FN1: variants seen among roughly 807,000 people sequenced by gnomAD.
The protein encoded by FN1 is fibronectin.
A neutral mutation model predicts 297.3 loss-of-function variants in FN1; 106 were observed. The ratio of observed to expected loss-of-function variants is 0.36; its 90% CI spans 0.30 to 0.42. FN1 has a LOEUF of 0.42. Ranked by LOEUF, FN1 falls within the 10% of genes least tolerant of loss-of-function variation. The pLI, the probability that FN1 is intolerant of heterozygous loss-of-function variation, is 1.00. For missense variants in FN1, 2,690 were observed against 3,124.9 expected (o/e 0.86, Z 3.32); for synonymous variants, 1,149 against 1,152.6 (o/e 1.00, Z 0.06).
chr2:215,422,166 C>T lies in FN1; in HGVS notation c.1471G>A (p.Gly491Ser), dbSNP rs1271295166. 6.2e-7 allele frequency: 1 copy of T among 1,613,970 alleles called. No homozygotes were observed. The highest frequency in any genetic ancestry group is 1.7e-5 in the Admixed American group (1 of 60,010). ...GDQWDKQHDM[G>S]HMMRCTCVGN... ...ACACACGTGCACCTCATCATGTGACCCATGTCATGCTGCTTATCCCACTGA... is the reference window on the plus strand; with the variant it reads ...ACACACGTGCACCTCATCATGTGACTCATGTCATGCTGCTTATCCCACTGA... Residue 491 changes from glycine to serine, a missense_variant, in exon 10 of 46, where the codon GGT (glycine) becomes AGT (serine). Transcript: ENST00000354785.
At chr2:215,370,537 AGACAAAAAAC>A in intron 40 of FN1, 105 bp from the exon 41 acceptor site, 14 of 653,124 alleles carry the variant, frequency 2.1e-5, no homozygotes, top group South Asian at 1.7e-4. Flanking sequence ...AAGCAAAGGA[AGACAAAAAAC>A]AAAAAACAAA....
chr2:215,422,827 G>A (rs963072779), intron 9 of FN1, among the ~76,000 whole-genome samples: 4 of 152,092 alleles, frequency 2.6e-5, no homozygotes, highest in East Asian at 1.9e-4. Context: ...CCATTTGTTC[G>A]CCATCTATAC....
intron 10 of FN1, 78 bp downstream of exon 10, chr2:215,422,013 T>C: frequency 7.4e-7 from 1 of 1,350,030 alleles, no homozygotes; most frequent in Non-Finnish European, 1.1e-6. Flanking sequence ...TTTGGCATAG[T>C]GCAAGTTTTC....
intron 38 of FN1, among the ~76,000 whole-genome samples, chr2:215,374,913 T>G (rs543025427): frequency 6.6e-6 from 1 of 152,184 alleles, no homozygotes; most frequent in Non-Finnish European, 1.5e-5. Flanking sequence ...TCAGCTAGTA[T>G]GCTTTGAAAA....
At chr2:215,370,256 G>C in intron 41 of FN1, 38 bp downstream of exon 41, 7 of 1,610,300 alleles carry the variant, frequency 4.3e-6, no homozygotes, top group Non-Finnish European at 5.9e-6. Context: ...GTGTACAGCA[G>C]AGGGGAGCCT....
intron 35 of FN1, among the ~76,000 whole-genome samples, chr2:215,377,755 AAAC>A (rs2057564761): frequency 6.6e-6 from 1 of 152,212 alleles, no homozygotes. Flanking sequence ...AGCTCTATGA[AAAC>A]AAATTCTAAC....
In FN1 at chr2:215,425,215, A is replaced by G. The variant is rs1575802062; in HGVS notation, c.915T>C (p.Tyr305=). ...QPQPHPQPPP[Y]GHCVTDSGVV... The stretch of plus-strand genomic sequence containing the variant: ...CACCACTGTCTGTGACACAGTGGCC[A>G]TAGGGAGGAGGCTGGGGGTGAGGCT... The change falls in exon 7 of 46, where the codon TAT becomes TAC. Residue 305 remains tyrosine, a synonymous_variant. Transcript: ENST00000354785. 1.2e-6 allele frequency: 2 copies of G among 1,614,158 alleles called. No individual in the cohort carries two copies. The highest frequency in any genetic ancestry group is 1.7e-6 in the Non-Finnish European group (2 of 1,180,014).
At chr2:215,395,605 A>G (rs2060220499) in intron 23 of FN1, among the ~76,000 whole-genome samples, 1 of 152,110 alleles carries the variant, frequency 6.6e-6, no homozygotes. Context: ...GGAATCACAG[A>G]AATTGGGCAG....
At position 215,409,727 on chromosome 2, in the gene FN1, G is replaced by A. The variant is rs776191277; in HGVS notation, c.2135C>T (p.Thr712Ile). ...TSTPVTSNTV[T>I]GETTPFSPLV... ...AGGAGAAAAGGGAGTCGTCTCTCCT[G>A]TCACGGTGTTGCCTAGAGAGTCACA... is the stretch of plus-strand genomic sequence containing the variant. The change falls in exon 15 of 46, where the codon ACA (threonine) becomes ATA (isoleucine). Residue 712 changes from threonine (T) to isoleucine (I), a missense_variant. Coordinates refer to ENST00000354785, the MANE Select transcript of FN1 (RefSeq NM_212482.4). The A allele has an allele frequency of 1.3e-5, 21 of 1,613,990 alleles. No individual in the cohort carries two copies. The highest frequency in any genetic ancestry group is 1.6e-5 in the Non-Finnish European group (19 of 1,179,988).
At position 215,379,198 on chromosome 2, in the gene FN1, TCTC is replaced by T. The variant is rs769683520; in HGVS notation, c.5551_5553del (p.Glu1851del). On this transcript the variant is annotated inframe_deletion, in exon 34 of 46. Transcript: ENST00000354785. ...TTGATTTCTTTCATTGGTCCGGTCT[TCTC>T]CTTGGGGGTCACCCGCACTCGATAT... 12 of 1,614,048 alleles carry T rather than the reference TCTC, an allele frequency of 7.4e-6. No individual in the cohort carries two copies. Among genetic ancestry groups the T allele is most frequent in the Non-Finnish European group, 9.3e-6 (11 of 1,179,994 alleles).
intron 39 of FN1, among the ~76,000 whole-genome samples, chr2:215,372,767 A>C (rs534551980): frequency 1.3e-5 from 2 of 152,336 alleles, no homozygotes; most frequent in East Asian, 3.9e-4. Flanking sequence ...TATCAGTGTC[A>C]TAAGTATGAG....
chr2:215,419,449 G>C, intron 11 of FN1, 64 bp from the exon 12 acceptor site: 1 of 1,344,614 alleles, frequency 7.4e-7, no homozygotes, highest in Non-Finnish European at 1.1e-6. Context: ...TTTAATTTCA[G>C]GGTGCTAGAG....
At position 215,419,275 on chromosome 2, in the gene FN1, C is replaced by T; in HGVS notation, c.1786G>A (p.Glu596Lys). 1 of 1,613,890 alleles carries T rather than the reference C, an allele frequency of 6.2e-7. No individual in the cohort carries two copies. The highest frequency in any genetic ancestry group is 8.5e-7 in the Non-Finnish European group (1 of 1,179,776). The change falls in exon 12 of 46, where the codon GAG becomes AAG. Residue 596 changes from glutamate (E) to lysine (K), a missense_variant. Physicochemically the swap from Glu to Lys is moderately conservative, Grantham distance 56. Around this residue, in one of 3 missense-constraint regions of FN1, gnomAD observed 876 missense variants for 1,058.1 expected, o/e 0.83. Coordinates refer to ENST00000354785, the MANE Select transcript of FN1 (RefSeq NM_212482.4). ...QCYCYGRGIG[E>K]WHCQPLQTYP... Reference sequence around the variant, plus strand: ...GTCTGTAAAGGTTGGCAATGCCACTCCCCAATGCCACGGCCATAGCAGTAG... The same window carrying T: ...GTCTGTAAAGGTTGGCAATGCCACTTCCCAATGCCACGGCCATAGCAGTAG...
rs147592486 is a variant in FN1, at chr2:215,375,390, A to G, written c.5981T>C (p.Ile1994Thr). Residue 1994 changes from isoleucine (I) to threonine (T), a missense_variant, in exon 38 of 46, where the codon ATT (isoleucine) becomes ACT (threonine). Physicochemically the swap from Ile to Thr is moderately conservative, Grantham distance 89. Coordinates refer to ENST00000354785, the MANE Select transcript of FN1 (RefSeq NM_212482.4). ...SPVVIDASTA[I>T]DAPSNLRFLA... ...GAAACGCAGGTTGGATGGTGCATCA[A>G]TGGCTGAAAGAAAACAAAATTAAGT... The G allele has an allele frequency of 8.1e-6, 13 of 1,602,528 alleles. No homozygotes were observed. The East Asian group carries it at 9.5e-5, about 12-fold the overall frequency.
chr2:215,433,079 C>A (rs866483985), intron 3 of FN1, among the ~76,000 whole-genome samples: 1 of 152,114 alleles, frequency 6.6e-6, no homozygotes, highest in Non-Finnish European at 1.5e-5. Context: ...TACAGAAACA[C>A]ACACACTCAT....
rs140925328 is a variant in FN1 at position 215,386,832 on chromosome 2, C to G, written c.4469G>C (p.Gly1490Ala). 2.7e-5 allele frequency: 44 copies of G among 1,613,774 alleles called. No homozygotes were observed. The highest frequency in any genetic ancestry group is 5.3e-5 in the African/African-American group (4 of 74,846). ...GGGCACCCGATCTTCTCGAGGTCTC[C>G]CACTGAAGTGCTCGGGATGATGGCG... is the stretch of plus-strand genomic sequence containing the variant. ...RIRHHPEHFSGRPREDRVPHS... is the reference protein window; with the variant it reads ...RIRHHPEHFSARPREDRVPHS... Residue 1490 changes from glycine (G) to alanine (A), a missense_variant, in exon 28 of 46, where the codon GGG becomes GCG. Gly to Ala is a moderately conservative substitution (Grantham distance 60, BLOSUM62 0). Coordinates refer to ENST00000354785, the MANE Select transcript of FN1 (RefSeq NM_212482.4).
chr2:215,386,916 G>C lies in FN1; in HGVS notation c.4385C>G (p.Ala1462Gly). The C allele has an allele frequency of 6.2e-7, 1 of 1,613,210 alleles. No individual in the cohort carries two copies. ...PTGIDFSDIT[A>G]NSFTVHWIAP... is the part of the protein sequence containing the mutation. ...AATCCAGTGCACAGTAAAAGAGTTG[G>C]CAGTAATATCAGAAAAGTCAATGCC... is the stretch of plus-strand genomic sequence containing the variant. The change falls in exon 28 of 46, where the codon GCC (alanine) becomes GGC (glycine). Residue 1462 changes from alanine to glycine, a missense_variant. By Grantham distance (60) the Ala-to-Gly change is moderately conservative. Transcript: ENST00000354785.
intron 38 of FN1, among the ~76,000 whole-genome samples, chr2:215,374,143 G>A (rs1257595477): frequency 6.6e-6 from 1 of 152,178 alleles, no homozygotes; most frequent in African/African-American, 2.4e-5. Context: ...CTCAGTGGCA[G>A]ATCAATGAAA....
chr2:215,380,944 T>C lies in FN1; in HGVS notation c.5301A>G (p.Leu1767=). Reference sequence around the variant, plus strand: ...CTTCTTCACCATCAGGTGCAGGGAATAGCTCATGGATTCCATCCTCAGGGC... The same window carrying C: ...CTTCTTCACCATCAGGTGCAGGGAACAGCTCATGGATTCCATCCTCAGGGC... ...YSSPEDGIHE[L]FPAPDGEEDT... The change falls in exon 33 of 46, where the codon CTA becomes CTG. Residue 1767 remains leucine, a synonymous_variant. Coordinates refer to ENST00000354785, the MANE Select transcript of FN1 (RefSeq NM_212482.4). The C allele has an allele frequency of 3.1e-6, 5 of 1,614,220 alleles. No homozygotes were observed. The highest frequency in any genetic ancestry group is 1.6e-4 in the Middle Eastern group (1 of 6,062).
Sources: allele counts gnomAD v4.1 joint callset (sites outside exome capture counted in the v4.1 genomes callset), GRCh38; gene constraint gnomAD v4.1.1; regional missense constraint gnomAD v4.1.1; transcripts MANE v1.5; gene names NCBI Gene and HGNC (gene_info 2026-07-23, HGNC 2026-07-21).